NUP54: variants seen among roughly 807,000 people sequenced by gnomAD.
The protein encoded by NUP54 is nucleoporin p54.
In NUP54, 27 loss-of-function variants were observed where a neutral mutation model predicts 66.4. The observed-to-expected ratio is 0.41, with a 90% CI of 0.30 to 0.56. The LOEUF is 0.56. NUP54 is among the 20% of genes least tolerant of loss of function. The pLI, the probability that NUP54 is intolerant of heterozygous loss-of-function variation, is 0.34. For missense variants in NUP54, 486 were observed against 596.3 expected (o/e 0.82, Z 1.93); for synonymous variants, 206 against 210.7 (o/e 0.98, Z 0.19).
chr4:76,117,312 C>T (rs1373040834), intron 11 of NUP54, among the ~76,000 whole-genome samples: 1 of 151,940 alleles, frequency 6.6e-6, no homozygotes, highest in Non-Finnish European at 1.5e-5. Context: ...CATTTTGTTT[C>T]TCTATTCTTT....
At chr4:76,135,703 C>G (rs539887471) in intron 4 of NUP54, among the ~76,000 whole-genome samples, 1 of 152,194 alleles carries the variant, frequency 6.6e-6, no homozygotes, top group Non-Finnish European at 1.5e-5. Context: ...AATACTCTCA[C>G]TGGCTGATAA....
intron 4 of NUP54, among the ~76,000 whole-genome samples, chr4:76,135,289 A>G (rs1730990865): frequency 1.3e-5 from 2 of 152,276 alleles, no homozygotes; most frequent in South Asian, 4.1e-4. Context: ...GAAGCCTTTT[A>G]TCCCTTTTCA....
rs770385783 is a variant in NUP54, at chr4:76,134,278, G to C, written c.607C>G (p.Arg203Gly). 9.3e-6 allele frequency: 15 copies of C among 1,613,606 alleles called. No individual in the cohort carries two copies. Among genetic ancestry groups the C allele is most frequent in the Non-Finnish European group, 1.3e-5 (15 of 1,179,734 alleles). ...LVFNKKETEI[R>G]SQQQQLVESL... ...TCTACCAACTGTTGTTGTTGGCTTCGAATCTCTGTTTCTTTTTTGTTGAAA... is the reference window on the plus strand; with the variant it reads ...TCTACCAACTGTTGTTGTTGGCTTCCAATCTCTGTTTCTTTTTTGTTGAAA... The change falls in exon 5 of 12, where the codon CGA becomes GGA. Residue 203 changes from arginine to glycine, a missense_variant. By Grantham distance (125) the Arg-to-Gly change is moderately radical (BLOSUM62 -2). Transcript: ENST00000264883.
intron 8 of NUP54, among the ~76,000 whole-genome samples, chr4:76,125,790 AGAGG>A (rs1560679512): frequency 2.4e-5 from 1 of 40,990 alleles, no homozygotes; most frequent in Non-Finnish European, 4.4e-5. Context: ...AGAGGGGGAG[AGAGG>A]GAGAGGGAGA....
intron 9 of NUP54, among the ~76,000 whole-genome samples, chr4:76,118,801 G>A (rs1730085856): frequency 6.6e-6 from 1 of 151,886 alleles, no homozygotes; most frequent in African/African-American, 2.4e-5. Flanking sequence ...TCAGGAGATT[G>A]AGACCATCCT....
intron 8 of NUP54, among the ~76,000 whole-genome samples, chr4:76,128,147 G>A (rs912213839): frequency 3.3e-5 from 5 of 152,128 alleles, no homozygotes; most frequent in African/African-American, 9.7e-5. Context: ...GTATTACCTA[G>A]AGAAAGGTTT....
intron 9 of NUP54, among the ~76,000 whole-genome samples, chr4:76,121,775 A>G (rs1399450644): frequency 6.6e-6 from 1 of 152,208 alleles, no homozygotes; most frequent in Non-Finnish European, 1.5e-5. Context: ...TTGTCACCAT[A>G]GTGAATGGAA....
At chr4:76,146,999 AC>A (rs1314660125) in intron 1 of NUP54, among the ~76,000 whole-genome samples, 1 of 152,222 alleles carries the variant, frequency 6.6e-6, no homozygotes. Flanking sequence ...CCAAAGAAAT[AC>A]ATTATTATCA....
rs1731029730 is a variant in NUP54, at chr4:76,136,167, A to G, written c.522+19T>C. The G allele has an allele frequency of 1.3e-6, 2 of 1,542,396 alleles. No individual in the cohort carries two copies. The highest frequency in any genetic ancestry group is 1.4e-5 in the African/African-American group (1 of 73,158). ...TATACAAAATCTTCAACTGAAGATA[A>G]AAATAGTATTAATAATACCTTAAAT... is the stretch of plus-strand genomic sequence containing the variant. On this transcript the variant is annotated intron_variant, in intron 4 of 11. Transcript: ENST00000264883.
At chr4:76,140,997 G>C (rs1409942285) in intron 3 of NUP54, among the ~76,000 whole-genome samples, 2 of 152,214 alleles carry the variant, frequency 1.3e-5, no homozygotes, top group Non-Finnish European at 2.9e-5. Context: ...AGATCCAACA[G>C]TCTTCTGAAG....
At chr4:76,130,072 C>A (rs1243899059) in intron 8 of NUP54, among the ~76,000 whole-genome samples, 1 of 132,584 alleles carries the variant, frequency 7.5e-6, no homozygotes, top group East Asian at 2.6e-4. Flanking sequence ...CCTCTGCCTC[C>A]CGGGTTCAAA....
At chr4:76,132,461 A>G in intron 6 of NUP54, 62 bp downstream of exon 6, 1 of 1,276,796 alleles carries the variant, frequency 7.8e-7, no homozygotes, top group South Asian at 1.8e-5. Flanking sequence ...CCTCTGAAAT[A>G]CGGGGAGTGT....
intron 11 of NUP54, among the ~76,000 whole-genome samples, chr4:76,116,293 C>A (rs1729948005): frequency 6.6e-6 from 1 of 152,012 alleles, no homozygotes; most frequent in South Asian, 2.1e-4. Flanking sequence ...ACCTGGAAGC[C>A]AAAGTAGTTT....
chr4:76,121,096 G>C (rs991991865), intron 9 of NUP54, among the ~76,000 whole-genome samples: 69 of 152,206 alleles, frequency 4.5e-4, no homozygotes, highest in African/African-American at 1.6e-3. Flanking sequence ...ATACAGCTTT[G>C]AAAGTTTCTT....
Position 76,144,473 on chromosome 4 carries a change from C to A in NUP54, c.68G>T (p.Gly23Val). ...TGTTGTCCCAAATCCTCCAAACCCACCTAATTAAAAAAGAACAAAAATAGA... is the reference window on the plus strand; with the variant it reads ...TGTTGTCCCAAATCCTCCAAACCCAACTAATTAAAAAAGAACAAAAATAGA... ...GTAAATAAPA[G>V]GFGGFGTTST... Residue 23 changes from glycine (G) to valine (V), a missense_variant and splice_region_variant, in exon 2 of 12, where the codon GGT becomes GTT. Gly to Val is a moderately radical substitution (Grantham distance 109). This residue lies in a region of NUP54 where 145 missense variants were observed against 137.1 expected (regional missense o/e 1.06). Transcript: ENST00000264883. 21 of 1,580,086 alleles carry A rather than the reference C, an allele frequency of 1.3e-5. No individual in the cohort carries two copies. Among genetic ancestry groups the A allele is most frequent in the Non-Finnish European group, 1.8e-5 (21 of 1,169,172 alleles).
In NUP54 at chr4:76,115,267, G is replaced by A. The variant is rs1405972834; in HGVS notation, c.*99C>T. The stretch of plus-strand genomic sequence containing the variant: ...CAAAAAACCAATCCAAGAAAGAATT[G>A]TTTTCTTTTTCCCTCCATGTGGTCG... On this transcript the variant is annotated 3_prime_UTR_variant, in exon 12 of 12. Transcript: ENST00000264883. The A allele has an allele frequency of 2.8e-6, 3 of 1,090,876 alleles. No individual in the cohort carries two copies. Among genetic ancestry groups the A allele is most frequent in the Non-Finnish European group, 3.7e-6 (3 of 810,174 alleles). The allele number at this position is 1,090,876 out of a possible 1,614,324, so 67.6% of individuals were successfully genotyped here.
chr4:76,124,551 T>G, intron 9 of NUP54, 98 bp downstream of exon 9: 7 of 447,890 alleles, frequency 1.6e-5, no homozygotes, highest in African/African-American at 4.1e-5. Context: ...TATTCTTTCA[T>G]TTTAGTATTT....
intron 1 of NUP54, chr4:76,146,090 C>A (rs1017372714): frequency 1.6e-5 from 7 of 449,480 alleles, no homozygotes; most frequent in Non-Finnish European, 3.1e-5. Context: ...AGTTTCTCAT[C>A]ATGCTCCACA....
chr4:76,118,447 G>GCGATC, intron 9 of NUP54: 3 of 385,436 alleles, frequency 7.8e-6, no homozygotes, highest in Non-Finnish European at 1.5e-5. Context: ...GTGCAGTGGC[G>GCGATC]TAAACACAGC....
Sources: gnomAD v4.1 joint callset for allele counts (sites outside exome capture counted in the v4.1 genomes callset) on GRCh38, gnomAD v4.1.1 for gene constraint, gnomAD v4.1.1 regional missense constraint, MANE v1.5 for transcripts, NCBI Gene and HGNC (gene_info 2026-07-23, HGNC 2026-07-21) for gene names.